The following GRIA4 variants were observed in gnomAD, a reference collection of about 807,000 sequenced individuals.
The protein encoded by GRIA4 is glutamate receptor 4.
GRIA4 carries 34 observed loss-of-function variants against 104.0 expected under a neutral mutation model. The ratio of observed to expected loss-of-function variants is 0.33; its 90% CI spans 0.25 to 0.44. The LOEUF is 0.44. Among genes scored for constraint, GRIA4 ranks in the 20% least tolerant of loss-of-function variants. The probability of loss-of-function intolerance (pLI) is 1.00; values close to 1 mark genes in which losing one functional copy is unlikely to be tolerated. For missense variants in GRIA4, 750 were observed against 1,096.5 expected, an observed-to-expected ratio of 0.68 and a Z score of 4.46; for synonymous variants, 386 against 381.9, an observed-to-expected ratio of 1.01 and a Z score of -0.13.
intron 3 of GRIA4, among the ~76,000 whole-genome samples, chr11:105,653,943 C>A (rs989083693): frequency 2.7e-5 from 2 of 74,302 alleles, no homozygotes; most frequent in Non-Finnish European, 5.5e-5. Context: ...AAAATAAGAA[C>A]AGTAAAAACA....
At chr11:105,653,114 T>C (rs529849787) in intron 3 of GRIA4, among the ~76,000 whole-genome samples, 1 of 152,172 alleles carries the variant, frequency 6.6e-6, no homozygotes, top group Non-Finnish European at 1.5e-5. Context: ...GGTTTCACCG[T>C]GCTAGCCAGG....
intron 3 of GRIA4, among the ~76,000 whole-genome samples, chr11:105,644,503 CTGAGG>C (rs901837390): frequency 6.6e-6 from 1 of 151,478 alleles, no homozygotes; most frequent in African/African-American, 2.4e-5. Context: ...ATTCAGGTGG[CTGAGG>C]TGAGGGGATT....
intron 3 of GRIA4, among the ~76,000 whole-genome samples, chr11:105,629,555 T>C (rs1000072765): frequency 2.0e-5 from 3 of 152,162 alleles, no homozygotes; most frequent in African/African-American, 7.2e-5. Context: ...CAAATGTTGA[T>C]AGTGATTATT....
chr11:105,821,979 CGCAGGTTCCCA>C (rs1943590527), intron 4 of GRIA4, among the ~76,000 whole-genome samples: 1 of 152,088 alleles, frequency 6.6e-6, no homozygotes, highest in African/African-American at 2.4e-5. Flanking sequence ...GCGCTCGCCA[CGCAGGTTCCCA>C]GAACCGGGAA....
At chr11:105,893,205 G>C (rs916387190) in intron 6 of GRIA4, among the ~76,000 whole-genome samples, 10 of 152,034 alleles carry the variant, frequency 6.6e-5, no homozygotes, top group Non-Finnish European at 1.5e-4. Context: ...TTTATTTACT[G>C]AAGTCACTTA....
intron 4 of GRIA4, 119 bp downstream of exon 4, chr11:105,753,339 G>T: frequency 1.1e-6 from 1 of 883,506 alleles, no homozygotes; most frequent in Admixed American, 2.2e-5. Context: ...ATCAGAAAAT[G>T]GTTGATGTGT....
rs141667156 is a variant in GRIA4 at position 105,806,599 on chromosome 11, A to G, written c.487+53379A>G. 1.9e-3 allele frequency among the ~76,000 whole-genome samples: 286 copies of G among 152,044 alleles called. 3 individuals are homozygous for G. The East Asian group carries it at 0.019, about 10-fold the overall frequency. ...GCAAAGATATTCCAGACTTGCAGAC[A>G]CAAAACAGTTTAGAGAAGATGTGCC... On this transcript the variant is annotated intron_variant, in intron 4 of 16. Coordinates refer to ENST00000282499, the MANE Select transcript of GRIA4 (RefSeq NM_000829.4).
chr11:105,782,289 G>A (rs1032642348), intron 4 of GRIA4, among the ~76,000 whole-genome samples: 4 of 152,092 alleles, frequency 2.6e-5, no homozygotes, highest in Admixed American at 6.6e-5. Flanking sequence ...GCAACCTATC[G>A]AGATATGTTT....
chr11:105,885,429 G>A (rs1278635212), intron 5 of GRIA4, among the ~76,000 whole-genome samples: 1 of 152,186 alleles, frequency 6.6e-6, no homozygotes, highest in African/African-American at 2.4e-5. Flanking sequence ...TATAAAACAT[G>A]GAGGAAGGTT....
intron 4 of GRIA4, among the ~76,000 whole-genome samples, chr11:105,800,308 G>T (rs1942668390): frequency 6.6e-6 from 1 of 151,988 alleles, no homozygotes; most frequent in South Asian, 2.1e-4. Context: ...GTTACACATA[G>T]CTTATGTAAA....
At chr11:105,677,792 A>G (rs764397336) in intron 3 of GRIA4, among the ~76,000 whole-genome samples, 18 of 152,012 alleles carry the variant, frequency 1.2e-4, no homozygotes, top group Non-Finnish European at 2.1e-4. Flanking sequence ...GAAAAAGGGA[A>G]TTCTAGATTC....
chr11:105,811,313 C>T (rs754386310), intron 4 of GRIA4, among the ~76,000 whole-genome samples: 1 of 152,182 alleles, frequency 6.6e-6, no homozygotes, highest in Admixed American at 6.5e-5. Context: ...AAAACTCTTA[C>T]TGCAACTTAT....
chr11:105,895,437 G>A (rs1946617611), intron 6 of GRIA4, among the ~76,000 whole-genome samples: 1 of 151,820 alleles, frequency 6.6e-6, no homozygotes, highest in Non-Finnish European at 1.5e-5. Context: ...AAGGGAGCCA[G>A]GTATAAAACA....
At chr11:105,938,405 G>A (rs1037463616) in intron 14 of GRIA4, among the ~76,000 whole-genome samples, 11 of 152,206 alleles carry the variant, frequency 7.2e-5, no homozygotes, top group East Asian at 3.9e-4. Context: ...CTAGAAAAAC[G>A]TAAACGTACA....
rs1169501029 is a variant in GRIA4, at chr11:105,794,467, ATG to A, written c.487+41249_487+41250del. ...TGTGTGTGTGTCTGTGTGTGTGTATATGTATGTATATATATATATATATATAT... is the reference window on the plus strand; with the variant it reads ...TGTGTGTGTGTCTGTGTGTGTGTATATATGTATATATATATATATATATAT... On this transcript the variant is annotated intron_variant, in intron 4 of 16. Coordinates refer to ENST00000282499, the MANE Select transcript of GRIA4 (RefSeq NM_000829.4). Among the ~76,000 whole-genome samples, 24 of 38,776 alleles carry A rather than the reference ATG, an allele frequency of 6.2e-4. 1 individual carries two copies. Among genetic ancestry groups the A allele is most frequent in the Middle Eastern group, 0.013 (1 of 78 alleles). The allele number at this position is 38,776 out of a possible 152,430, so 25.4% of individuals were successfully genotyped here.
intron 14 of GRIA4, among the ~76,000 whole-genome samples, chr11:105,956,936 C>T (rs1191347354): frequency 7.8e-6 from 1 of 127,934 alleles, no homozygotes; most frequent in African/African-American, 3.1e-5. Flanking sequence ...ATATCCTTTG[C>T]CCATTTTTTG....
At chr11:105,823,315 C>A (rs1466365870) in intron 4 of GRIA4, among the ~76,000 whole-genome samples, 1 of 151,876 alleles carries the variant, frequency 6.6e-6, no homozygotes, top group Non-Finnish European at 1.5e-5. Context: ...TCTTTTTTTT[C>A]TTCTCTTGTC....
chr11:105,915,711 A>T (rs1002469474), intron 10 of GRIA4, among the ~76,000 whole-genome samples: 8 of 152,206 alleles, frequency 5.3e-5, no homozygotes, highest in Non-Finnish European at 1.0e-4. Context: ...AAAATGCAGA[A>T]ATGCATTTCT....
At chr11:105,857,730 T>C (rs958316495) in intron 4 of GRIA4, among the ~76,000 whole-genome samples, 3 of 152,196 alleles carry the variant, frequency 2.0e-5, no homozygotes, top group African/African-American at 7.2e-5. Context: ...GACCTTCTCA[T>C]TGAAAAGCAG....
Sources: allele counts gnomAD v4.1 joint callset (sites outside exome capture counted in the v4.1 genomes callset), GRCh38; gene constraint gnomAD v4.1.1; transcripts MANE v1.5; gene names NCBI Gene and HGNC (gene_info 2026-07-23, HGNC 2026-07-21).